Variants in PTPRD observed in about 807,000 individuals in gnomAD.
PTPRD encodes the protein protein tyrosine phosphatase receptor type D, also known as receptor-type tyrosine-protein phosphatase delta.
In PTPRD, 34 loss-of-function variants were observed where a neutral mutation model predicts 214.5. That is an observed-to-expected ratio of 0.16 (90% CI 0.12 to 0.21). PTPRD has a LOEUF of 0.21. Ranked by LOEUF, PTPRD falls within the 10% of genes least tolerant of loss-of-function variation. The pLI is 1.00. For synonymous variants in PTPRD, 1,128 were observed against 845.7 expected (o/e 1.33, Z -5.79); for missense variants, 2,545 against 2,398.7 (o/e 1.06, Z -1.27).
rs557734231 is a variant in PTPRD, at chr9:9,408,852, T to C, written c.-236-11370A>G. ...CAGTAATCATATTTTCTTTTTCCTG[T>C]CATTCTATTTTTTAATTATTTCCTT... On this transcript the variant is annotated intron_variant, in intron 8 of 45. Transcript: ENST00000381196. 2.0e-5 allele frequency among the ~76,000 whole-genome samples: 3 copies of C among 152,036 alleles called. No homozygotes were observed. The South Asian group carries it at 6.2e-4, about 31-fold the overall frequency.
At chr9:9,236,001 T>G (rs1480366554) in intron 9 of PTPRD, among the ~76,000 whole-genome samples, 1 of 152,108 alleles carries the variant, frequency 6.6e-6, no homozygotes, top group African/African-American at 2.4e-5. Context: ...CGGTGTCTCA[T>G]GCCTGTAATC....
At chr9:9,395,524 T>C (rs1369871569) in intron 9 of PTPRD, among the ~76,000 whole-genome samples, 3 of 152,076 alleles carry the variant, frequency 2.0e-5, no homozygotes, top group African/African-American at 7.2e-5. Flanking sequence ...TTTTGAAACT[T>C]CTACTTCCAT....
chr9:9,708,030 A>G (rs141951024), intron 7 of PTPRD, among the ~76,000 whole-genome samples: 169 of 152,164 alleles, frequency 1.1e-3, no homozygotes, highest in Non-Finnish European at 1.8e-3. Context: ...GCTTATAAAG[A>G]CTTGCTGTAA....
chr9:9,021,476 A>G (rs1463470553), intron 10 of PTPRD, among the ~76,000 whole-genome samples: 2 of 152,156 alleles, frequency 1.3e-5, no homozygotes. Flanking sequence ...ATCAATGACT[A>G]TGTTACTGGT....
chr9:9,992,626 A>G (rs1010731441), intron 4 of PTPRD, among the ~76,000 whole-genome samples: 8 of 152,230 alleles, frequency 5.3e-5, no homozygotes, highest in Non-Finnish European at 8.8e-5. Flanking sequence ...AGACATAAAA[A>G]AGGATGAGTT....
At chr9:10,049,651 A>G (rs182949974) in intron 3 of PTPRD, among the ~76,000 whole-genome samples, 15 of 152,310 alleles carry the variant, frequency 9.8e-5, no homozygotes, top group African/African-American at 3.1e-4. Flanking sequence ...TTCCAACAGT[A>G]ATGCTCTGCA....
At chr9:10,252,422 C>T (rs1272029188) in intron 3 of PTPRD, among the ~76,000 whole-genome samples, 1 of 152,072 alleles carries the variant, frequency 6.6e-6, no homozygotes, top group Admixed American at 6.6e-5. Context: ...GGCTTCCAGC[C>T]AGCTGCCATC....
intron 2 of PTPRD, among the ~76,000 whole-genome samples, chr9:10,374,848 G>C (rs1182395852): frequency 6.6e-6 from 1 of 151,994 alleles, no homozygotes; most frequent in African/African-American, 2.4e-5. Context: ...GATGTAATTT[G>C]TGACCTCTCA....
At chr9:8,683,645 T>G (rs1448934791) in intron 12 of PTPRD, among the ~76,000 whole-genome samples, 4 of 152,086 alleles carry the variant, frequency 2.6e-5, no homozygotes, top group Non-Finnish European at 5.9e-5. Context: ...CGCCATAAGG[T>G]CTCCTTCCAC....
intron 2 of PTPRD, among the ~76,000 whole-genome samples, chr9:10,571,317 GACATTT>G (rs1202099040): frequency 2.0e-5 from 3 of 152,098 alleles, no homozygotes. Flanking sequence ...ACAGCCCTCT[GACATTT>G]ACATTATACC....
At chr9:9,115,519 C>T (rs2099811564) in intron 10 of PTPRD, among the ~76,000 whole-genome samples, 1 of 152,116 alleles carries the variant, frequency 6.6e-6, no homozygotes, top group Admixed American at 6.6e-5. Context: ...AATGCTTATA[C>T]ACTGTTGGTG....
intron 8 of PTPRD, among the ~76,000 whole-genome samples, chr9:9,497,055 A>G (rs2096225339): frequency 6.6e-6 from 1 of 152,172 alleles, no homozygotes; most frequent in South Asian, 2.1e-4. Flanking sequence ...AACATCACTG[A>G]GACAAAGCAT....
chr9:8,901,087 C>T (rs780252371), intron 11 of PTPRD, among the ~76,000 whole-genome samples: 15 of 152,098 alleles, frequency 9.9e-5, no homozygotes, highest in Non-Finnish European at 1.9e-4. Context: ...GGCATTTGAA[C>T]AGTTACTAAG....
At chr9:8,690,285 T>C (rs1016383404) in intron 12 of PTPRD, among the ~76,000 whole-genome samples, 1 of 152,038 alleles carries the variant, frequency 6.6e-6, no homozygotes, top group Non-Finnish European at 1.5e-5. Context: ...CCCAGCACTT[T>C]GGGAGGTCGA....
rs929122703 is a variant in PTPRD, at chr9:9,432,203, T to G, written c.-236-34721A>C. Among the ~76,000 whole-genome samples the G allele has an allele frequency of 2.6e-5, 4 of 151,832 alleles. No individual in the cohort carries two copies. The East Asian group carries it at 7.7e-4, about 29-fold the overall frequency. On this transcript the variant is annotated intron_variant, in intron 8 of 45. Transcript: ENST00000381196. The stretch of plus-strand genomic sequence containing the variant: ...TTAGTTCTAAATCAAAAGTAGAAGG[T>G]AAATGGGATTGAACATCTGGCAATC...
chr9:9,732,820 G>A (rs912246062), intron 7 of PTPRD, among the ~76,000 whole-genome samples: 2 of 151,964 alleles, frequency 1.3e-5, no homozygotes, highest in Non-Finnish European at 2.9e-5. Flanking sequence ...ACCGTGGTGT[G>A]GCTCTGTCGT....
intron 2 of PTPRD, among the ~76,000 whole-genome samples, chr9:10,360,455 T>C (rs1298429315): frequency 1.3e-5 from 2 of 152,236 alleles, no homozygotes; most frequent in Non-Finnish European, 2.9e-5. Flanking sequence ...CCACATAACA[T>C]GTCACATTTT....
At chr9:9,612,983 T>G (rs1164543783) in intron 7 of PTPRD, among the ~76,000 whole-genome samples, 2 of 151,694 alleles carry the variant, frequency 1.3e-5, no homozygotes, top group East Asian at 1.9e-4. Context: ...CAAACTTTAT[T>G]GTACATATGA....
At chr9:10,406,534 G>A (rs567618049) in intron 2 of PTPRD, among the ~76,000 whole-genome samples, 1 of 151,596 alleles carries the variant, frequency 6.6e-6, no homozygotes, top group Non-Finnish European at 1.5e-5. Flanking sequence ...CACAGAGCAA[G>A]CATCACCTGT....
Sources: gnomAD v4.1 joint callset for allele counts (sites outside exome capture counted in the v4.1 genomes callset) on GRCh38, gnomAD v4.1.1 for gene constraint, MANE v1.5 for transcripts, NCBI Gene and HGNC (gene_info 2026-07-23, HGNC 2026-07-21) for gene names.